Variants in FIG4 observed in about 807,000 individuals in gnomAD.
FIG4 encodes the protein polyphosphoinositide phosphatase.
Under a neutral mutation model 118.6 loss-of-function variants are expected in FIG4, and 112 were observed. That is an observed-to-expected ratio of 0.94 (90% CI 0.81 to 1.11). FIG4 has a LOEUF of 1.11. Ranked by LOEUF, FIG4 falls within the 50% of genes least tolerant of loss-of-function variation. FIG4 has a pLI of 0.00. For missense variants in FIG4, 969 were observed against 1,111.7 expected (o/e 0.87, Z 1.83); for synonymous variants, 369 against 381.2 (o/e 0.97, Z 0.37).
At position 109,767,008 on chromosome 6, in the gene FIG4, A is replaced by C. The variant is rs538215919; in HGVS notation, c.1750+113A>C. 43 of 861,336 alleles carry C rather than the reference A, an allele frequency of 5.0e-5. 1 individual carries two copies. The South Asian group carries it at 6.2e-4, about 12-fold the overall frequency. 53.4% of individuals were successfully genotyped at this position (861,336 alleles called of 1,614,324 possible). On this transcript the variant is annotated intron_variant, in intron 15 of 22. Transcript: ENST00000230124. ...AAAATTTAATATTTTAAAAGTTTAAATAAAACAGTCTGTCACTTAGAAGGT... is the reference window on the plus strand; with the variant it reads ...AAAATTTAATATTTTAAAAGTTTAACTAAAACAGTCTGTCACTTAGAAGGT...
chr6:109,727,413 T>C (rs1775856351), intron 4 of FIG4, 148 bp downstream of exon 4: 3 of 678,536 alleles, frequency 4.4e-6, no homozygotes, highest in South Asian at 1.6e-5. Context: ...ATGTCGTAGA[T>C]CAGGTAGAAA....
intron 22 of FIG4, among the ~76,000 whole-genome samples, chr6:109,798,188 G>A (rs1312557416): frequency 6.6e-6 from 1 of 152,170 alleles, no homozygotes; most frequent in African/African-American, 2.4e-5. Context: ...CTTTTAGAGA[G>A]TAGTAGCTGT....
chr6:109,821,907 G>T (rs1466311993), intron 22 of FIG4, among the ~76,000 whole-genome samples: 1 of 152,178 alleles, frequency 6.6e-6, no homozygotes. Context: ...GGGTTCAGTG[G>T]CTCGAGCCTG....
intron 15 of FIG4, among the ~76,000 whole-genome samples, chr6:109,771,630 G>A (rs1479618202): frequency 6.6e-6 from 1 of 151,710 alleles, no homozygotes; most frequent in Non-Finnish European, 1.5e-5. Context: ...CACCGCGCCC[G>A]GCTAATTTTT....
chr6:109,808,350 C>CAAAAAAAAAAA (rs55948419), intron 22 of FIG4, among the ~76,000 whole-genome samples: 13 of 67,020 alleles, frequency 1.9e-4, no homozygotes, highest in East Asian at 9.6e-4. Context: ...ACACTCACAG[C>CAAAAAAAAAAA]AAAAAAAAAA....
At chr6:109,769,188 C>T (rs769542596) in intron 15 of FIG4, among the ~76,000 whole-genome samples, 27 of 151,724 alleles carry the variant, frequency 1.8e-4, no homozygotes, top group African/African-American at 4.6e-4. Context: ...CTGCAAACTC[C>T]GCCTCCCGGG....
chr6:109,807,109 C>A (rs1215818673), intron 22 of FIG4, among the ~76,000 whole-genome samples: 1 of 152,134 alleles, frequency 6.6e-6, no homozygotes, highest in East Asian at 1.9e-4. Context: ...ATTTATAATC[C>A]TTTGGGTACA....
At chr6:109,797,923 CTG>C (rs1275024111) in intron 22 of FIG4, among the ~76,000 whole-genome samples, 1 of 149,822 alleles carries the variant, frequency 6.7e-6, no homozygotes, top group African/African-American at 2.5e-5. Flanking sequence ...AAATGAGTCA[CTG>C]TGGAAATTCA....
intron 22 of FIG4, among the ~76,000 whole-genome samples, chr6:109,798,818 T>TC (rs1324558246): frequency 1.5e-5 from 2 of 137,594 alleles, no homozygotes; most frequent in African/African-American, 6.9e-5. Flanking sequence ...TTTTTCCTCT[T>TC]TTTTTTTTGT....
intron 10 of FIG4, 115 bp from the exon 11 acceptor site, chr6:109,760,135 G>A (rs554995537): frequency 2.6e-6 from 2 of 774,524 alleles, no homozygotes; most frequent in South Asian, 1.5e-5. Context: ...TTTCATTTTA[G>A]TATATTTAAG....
chr6:109,808,834 A>C (rs1778643040), intron 22 of FIG4, among the ~76,000 whole-genome samples: 1 of 152,234 alleles, frequency 6.6e-6, no homozygotes, highest in South Asian at 2.1e-4. Context: ...ACCGTGAACA[A>C]TACTTAAGAT....
intron 15 of FIG4, among the ~76,000 whole-genome samples, chr6:109,773,584 C>A (rs1301347375): frequency 4.0e-5 from 6 of 151,132 alleles, no homozygotes; most frequent in Non-Finnish European, 7.4e-5. Context: ...AAAATAATAT[C>A]TTCTGTGTTT....
At chr6:109,735,053 G>A (rs1254868609) in intron 5 of FIG4, 97 bp from the exon 6 acceptor site, 1 of 1,011,386 alleles carries the variant, frequency 9.9e-7, no homozygotes, top group East Asian at 2.4e-5. Flanking sequence ...TAGGTGCTAA[G>A]TAATTTAGTT....
intron 7 of FIG4, among the ~76,000 whole-genome samples, chr6:109,739,347 A>G (rs1776254293): frequency 6.6e-6 from 1 of 152,154 alleles, no homozygotes; most frequent in South Asian, 2.1e-4. Flanking sequence ...AGCATGTACC[A>G]TCTAGAAGTG....
chr6:109,741,779 A>G (rs756679483), intron 8 of FIG4, among the ~76,000 whole-genome samples: 53 of 152,148 alleles, frequency 3.5e-4, no homozygotes, highest in Admixed American at 6.6e-5. Flanking sequence ...CATATAACCT[A>G]TGTACATCCA....
rs200978101 is a variant in FIG4 at position 109,716,434 on chromosome 6, C to G, written c.166-11C>G. 6.2e-7 allele frequency: 1 copy of G among 1,612,876 alleles called. No homozygotes were observed. The highest frequency in any genetic ancestry group is 8.5e-7 in the Non-Finnish European group (1 of 1,179,194). ...AGCACAACCTTACAGAGTAAATGTG[C>G]TTATTCTTAGCATGTCTATACTCAA... On this transcript the variant is annotated splice_polypyrimidine_tract_variant and intron_variant, in intron 2 of 22. Coordinates refer to ENST00000230124, the MANE Select transcript of FIG4 (RefSeq NM_014845.6).
At chr6:109,727,673 AC>A (rs2128384173) in intron 4 of FIG4, among the ~76,000 whole-genome samples, 2 of 152,298 alleles carry the variant, frequency 1.3e-5, no homozygotes, top group South Asian at 4.1e-4. Flanking sequence ...AAAACAGCAG[AC>A]ATTCTTATCC....
At chr6:109,782,381 C>A (rs1777831406) in intron 16 of FIG4, among the ~76,000 whole-genome samples, 1 of 152,100 alleles carries the variant, frequency 6.6e-6, no homozygotes, top group African/African-American at 2.4e-5. Flanking sequence ...CTGAGACTCA[C>A]CCAAAAGACT....
chr6:109,758,774 TC>T (rs1562666877), intron 10 of FIG4, among the ~76,000 whole-genome samples: 1 of 151,560 alleles, frequency 6.6e-6, no homozygotes, highest in Non-Finnish European at 1.5e-5. Flanking sequence ...AAATACCCCA[TC>T]AAAAAGTAGG....
Sources: allele counts gnomAD v4.1 joint callset (sites outside exome capture counted in the v4.1 genomes callset), GRCh38; gene constraint gnomAD v4.1.1; transcripts MANE v1.5; gene names NCBI Gene and HGNC (gene_info 2026-07-23, HGNC 2026-07-21).